The following BCOR variants were observed in gnomAD, a reference collection of about 807,000 sequenced individuals.
The protein encoded by BCOR is BCL6 corepressor.
Under a neutral mutation model 86.7 loss-of-function variants are expected in BCOR, and 10 were observed. That is an observed-to-expected ratio of 0.12 (90% CI 0.07 to 0.20). The LOEUF (loss-of-function observed/expected upper bound fraction) is 0.20, where lower values mean the gene tolerates loss of function less well. Among genes scored for constraint, BCOR ranks in the 10% least tolerant of loss-of-function variants. BCOR has a pLI of 1.00. For missense variants in BCOR, 1,259 were observed against 1,452.1 expected (o/e 0.87, Z 2.16); for synonymous variants, 611 against 609.0 (o/e 1.00, Z -0.05).
At chrX:40,058,267 T>C (rs987212995) in intron 10 of BCOR, among the ~76,000 whole-genome samples, 1 of 112,287 alleles carries the variant, frequency 8.9e-6, no homozygotes, top group African/African-American at 3.2e-5. Flanking sequence ...CCATGTTTTA[T>C]TACCTTGATT....
intron 1 of BCOR, among the ~76,000 whole-genome samples, chrX:40,113,940 T>TC (rs1188429970): frequency 1.8e-5 from 2 of 110,669 alleles, no homozygotes; most frequent in African/African-American, 6.6e-5. Flanking sequence ...TGCCTTGGTC[T>TC]CCTGAGTAGC....
chrX:40,152,114 G>A (rs976748909), intron 1 of BCOR, among the ~76,000 whole-genome samples: 1 of 111,067 alleles, frequency 9.0e-6, no homozygotes, highest in African/African-American at 3.3e-5. Context: ...GGGGTTGGTG[G>A]GGTTGCAGGG....
At chrX:40,099,415 C>T (rs1387369268), upstream of BCOR, among the ~76,000 whole-genome samples, 2 of 111,810 alleles carry the variant, frequency 1.8e-5, no homozygotes, top group East Asian at 5.7e-4. Context: ...TGACCCCATT[C>T]GGCTGCCCAC....
intron 1 of BCOR, among the ~76,000 whole-genome samples, chrX:40,080,823 T>C (rs1001158953): frequency 2.0e-5 from 1 of 49,905 alleles, no homozygotes; most frequent in Admixed American, 1.7e-4. Context: ...GTCGTGTGTG[T>C]GTGTGTGTGT....
At chrX:40,100,402 C>T (rs1035769025), upstream of BCOR, among the ~76,000 whole-genome samples, 10 of 112,042 alleles carry the variant, frequency 8.9e-5, no homozygotes, top group East Asian at 2.8e-4. Context: ...CTTCTATCCC[C>T]TCCCCTCGTC....
intron 14 of BCOR, among the ~76,000 whole-genome samples, chrX:40,052,755 G>A (rs1278848625): frequency 6.4e-5 from 7 of 109,200 alleles, no homozygotes; most frequent in African/African-American, 2.3e-4. Flanking sequence ...TAGTAGAGAT[G>A]GGGTTTCACC....
rs1416260288 is a variant in BCOR, at chrX:40,125,256, T to C, written c.-40-47287A>G. 4.5e-5 allele frequency among the ~76,000 whole-genome samples: 5 copies of C among 109,966 alleles called. 1 individual carries two copies. In the East Asian group the frequency reaches 1.4e-3, roughly 32 times the overall value. On this transcript the variant is annotated intron_variant, in intron 1 of 14. Transcript: ENST00000342274. ...GGTTGATTATGGGAGAAATTGACTGTGGAGTCTCACTCTGTCACCCAGGCT... is the reference window on the plus strand; with the variant it reads ...GGTTGATTATGGGAGAAATTGACTGCGGAGTCTCACTCTGTCACCCAGGCT...
chrX:40,080,973 G>A (rs933572644), intron 1 of BCOR, among the ~76,000 whole-genome samples: 1 of 37,802 alleles, frequency 2.6e-5, no homozygotes, highest in Non-Finnish European at 4.9e-5. Context: ...GCACGCACAC[G>A]CGCACACACA....
At position 40,072,568 on chromosome X, in the gene BCOR, C is replaced by T. The variant is rs757056475; in HGVS notation, c.2778G>A (p.Val926=). Residue 926 remains valine (V), a synonymous_variant, in exon 4 of 15, where the codon GTG becomes GTA. Transcript: ENST00000378444. ...CATCCACACTTGGTGGGGCACTGCC[C>T]ACACAAAATGGTTTGGGATCCTCTT... The part of the protein sequence containing the change: ...KTQEDPKPFC[V]GSAPPSVDVT... The T allele has an allele frequency of 8.3e-7, 1 of 1,211,924 alleles. No individual in the cohort carries two copies. Among genetic ancestry groups the T allele is most frequent in the Admixed American group, 2.2e-5 (1 of 46,073 alleles).
intron 6 of BCOR, chrX:40,068,134 A>T (rs1935291025): frequency 9.0e-6 from 1 of 111,665 alleles, no homozygotes; most frequent in Non-Finnish European, 1.9e-5. Flanking sequence ...ATAATTTACC[A>T]TGGCTATGCC....
chrX:40,139,515 G>T (rs1168424714), intron 1 of BCOR, among the ~76,000 whole-genome samples: 4 of 50,246 alleles, frequency 8.0e-5, no homozygotes, highest in African/African-American at 1.9e-4. Flanking sequence ...TTTTTTTTAA[G>T]CATCAGCCTT....
At chrX:40,075,322 G>T in intron 3 of BCOR, 142 bp from the exon 4 acceptor site, 1 of 454,286 alleles carries the variant, frequency 2.2e-6, no homozygotes. Context: ...GCGGGGCGGG[G>T]GTGGGGGGTC....
At chrX:40,101,530 C>T (rs1233063769), upstream of BCOR, among the ~76,000 whole-genome samples, 1 of 113,123 alleles carries the variant, frequency 8.8e-6, no homozygotes, top group African/African-American at 3.2e-5. Context: ...TAACAAACCA[C>T]TCGACCTCAG....
chrX:40,150,789 C>T (rs929878348), intron 1 of BCOR, among the ~76,000 whole-genome samples: 1 of 111,994 alleles, frequency 8.9e-6, no homozygotes, highest in Non-Finnish European at 1.9e-5. Flanking sequence ...AACCCACTAG[C>T]GAAAGTTCTA....
intron 7 of BCOR, 91 bp downstream of exon 7, chrX:40,064,245 G>T: frequency 8.6e-7 from 1 of 1,157,580 alleles, no homozygotes; most frequent in Non-Finnish European, 1.2e-6. Flanking sequence ...TACGGGGGCA[G>T]CGCGCCGCAC....
intron 1 of BCOR, among the ~76,000 whole-genome samples, chrX:40,153,161 AG>A (rs1375758021): frequency 9.0e-6 from 1 of 111,658 alleles, no homozygotes; most frequent in Non-Finnish European, 1.9e-5. Flanking sequence ...CGGCGGGGGG[AG>A]GGGGTAGCCA....
intron 5 of BCOR, 76 bp downstream of exon 5, chrX:40,071,561 C>A: frequency 1.3e-6 from 1 of 769,184 alleles, no homozygotes; most frequent in Non-Finnish European, 2.0e-6. Flanking sequence ...ACAAACTTCC[C>A]TTTGTATATT....
In BCOR at chrX:40,073,955, G is replaced by C; in HGVS notation, c.1391C>G (p.Thr464Arg). Residue 464 changes from threonine to arginine, a missense_variant, in exon 4 of 15, where the codon ACG becomes AGG. Around this residue, in one of 7 missense-constraint regions of BCOR, gnomAD observed 534 missense variants for 594.8 expected, o/e 0.90. Transcript: ENST00000378444. Reference protein sequence around the residue: ...KADHMKKMAPTVLVHSRAGSG... With the variant: ...KADHMKKMAPRVLVHSRAGSG... ...TCCAGCCCTGCTGTGAACCAGGACC[G>C]TGGGAGCCATCTTTTTCATGTGGTC... The C allele has an allele frequency of 8.2e-7, 1 of 1,212,245 alleles. No individual in the cohort carries two copies. Among genetic ancestry groups the C allele is most frequent in the South Asian group, 1.8e-5 (1 of 57,028 alleles).
At chrX:40,066,362 G>A (rs193156195) in intron 6 of BCOR, among the ~76,000 whole-genome samples, 1 of 111,670 alleles carries the variant, frequency 9.0e-6, no homozygotes, top group East Asian at 2.8e-4. Flanking sequence ...GGTGGGCTGC[G>A]ACTCGAGTTG....
Sources: gnomAD v4.1 joint callset for allele counts (sites outside exome capture counted in the v4.1 genomes callset) on GRCh38, gnomAD v4.1.1 for gene constraint, gnomAD v4.1.1 regional missense constraint, MANE v1.5 for transcripts, NCBI Gene and HGNC (gene_info 2026-07-23, HGNC 2026-07-21) for gene names.